The following RFX3 variants were observed in gnomAD, a reference collection of about 807,000 sequenced individuals.
The protein encoded by RFX3 is regulatory factor X3, also known as transcription factor RFX3.
Under a neutral mutation model 98.6 loss-of-function variants are expected in RFX3, and 14 were observed. The ratio of observed to expected loss-of-function variants is 0.14; its 90% confidence interval spans 0.09 to 0.22. The LOEUF is 0.22. Among genes scored for constraint, RFX3 ranks in the 10% least tolerant of loss-of-function variants. RFX3 has a pLI of 1.00. For synonymous variants in RFX3, 383 were observed against 328.4 expected, an observed-to-expected ratio of 1.17 and a Z score of -1.80; for missense variants, 639 against 926.9, an observed-to-expected ratio of 0.69 and a Z score of 4.03.
In RFX3 at chr9:3,275,754, T is replaced by C. The variant is rs533371160; in HGVS notation, c.974-142A>G. The C allele has an allele frequency of 2.0e-4, 107 of 529,592 alleles. 2 individuals are homozygous for C. The South Asian group carries it at 2.7e-3, about 14-fold the overall frequency. 32.8% of individuals were successfully genotyped at this position (529,592 alleles called of 1,614,324 possible). On this transcript the variant is annotated intron_variant, in intron 8 of 16. Coordinates refer to ENST00000617270, the MANE Select transcript of RFX3 (RefSeq NM_001282116.2). ...AGAGAGCAAGGACATTTTATATTAA[T>C]ATTTTACAAGTAAAACTAAGCAACA...
chr9:3,415,070 G>GTA (rs1296182698), intron 1 of RFX3, among the ~76,000 whole-genome samples: 4 of 81,368 alleles, frequency 4.9e-5, no homozygotes, highest in African/African-American at 1.2e-4. Context: ...TCATATATAA[G>GTA]TATATATATA....
intron 1 of RFX3, among the ~76,000 whole-genome samples, chr9:3,469,569 T>C (rs1044913816): frequency 6.6e-6 from 1 of 152,158 alleles, no homozygotes; most frequent in Non-Finnish European, 1.5e-5. Context: ...GGGTCAATGA[T>C]AAAATATTAT....
intron 4 of RFX3, among the ~76,000 whole-genome samples, chr9:3,307,020 C>T (rs2986694): frequency 6.6e-6 from 1 of 151,868 alleles, no homozygotes; most frequent in South Asian, 2.1e-4. Flanking sequence ...GATAATGAAT[C>T]GATCTCATGA....
intron 1 of RFX3, among the ~76,000 whole-genome samples, chr9:3,430,516 T>A (rs1374683481): frequency 6.6e-6 from 1 of 152,144 alleles, no homozygotes; most frequent in African/African-American, 2.4e-5. Flanking sequence ...CTTGGTAAAA[T>A]TTTTTTAGAG....
intron 2 of RFX3, among the ~76,000 whole-genome samples, chr9:3,369,359 T>C (rs1837554683): frequency 6.6e-6 from 1 of 152,164 alleles, no homozygotes; most frequent in Non-Finnish European, 1.5e-5. Flanking sequence ...AGTACACTAA[T>C]CCTATTCATA....
intron 2 of RFX3, among the ~76,000 whole-genome samples, chr9:3,390,018 G>A (rs1587467253): frequency 6.6e-6 from 1 of 152,270 alleles, no homozygotes; most frequent in South Asian, 2.1e-4. Flanking sequence ...TTTTAGAATT[G>A]TTTTATTCGG....
At chr9:3,446,752 G>A (rs960962961) in intron 1 of RFX3, among the ~76,000 whole-genome samples, 1 of 151,858 alleles carries the variant, frequency 6.6e-6, no homozygotes, top group Non-Finnish European at 1.5e-5. Context: ...TTGGAGTAAC[G>A]TATGGTACAT....
chr9:3,253,604 G>C (rs1045130122), intron 14 of RFX3, among the ~76,000 whole-genome samples: 2 of 152,204 alleles, frequency 1.3e-5, no homozygotes, highest in East Asian at 1.9e-4. Context: ...GCCAGGTTAG[G>C]CAAGGAGAGA....
At chr9:3,405,082 C>A (rs1841833059) in intron 1 of RFX3, among the ~76,000 whole-genome samples, 1 of 152,150 alleles carries the variant, frequency 6.6e-6, no homozygotes, top group Non-Finnish European at 1.5e-5. Flanking sequence ...TAATGACAAT[C>A]TCTTTTATCA....
chr9:3,337,597 G>C (rs1833338986), intron 3 of RFX3, among the ~76,000 whole-genome samples: 1 of 152,172 alleles, frequency 6.6e-6, no homozygotes, highest in African/African-American at 2.4e-5. Context: ...CACAAGATCA[G>C]TACCCAGGGG....
chr9:3,468,572 T>TGTAA (rs1187498472), intron 1 of RFX3, among the ~76,000 whole-genome samples: 2 of 152,142 alleles, frequency 1.3e-5, no homozygotes, highest in Non-Finnish European at 2.9e-5. Flanking sequence ...TCCTATTATA[T>TGTAA]GTAATGTAGG....
At chr9:3,459,786 T>C (rs1847524914) in intron 1 of RFX3, among the ~76,000 whole-genome samples, 1 of 152,028 alleles carries the variant, frequency 6.6e-6, no homozygotes, top group Non-Finnish European at 1.5e-5. Flanking sequence ...TTCTTATCCA[T>C]TTTACTCAGA....
rs1278057603 is a variant in RFX3, at chr9:3,301,601, G to A, written c.494C>T (p.Thr165Met). 1.2e-6 allele frequency: 2 copies of A among 1,600,270 alleles called. No homozygotes were observed. Among genetic ancestry groups the A allele is most frequent in the Non-Finnish European group, 1.7e-6 (2 of 1,170,374 alleles). Reference sequence around the variant, plus strand: ...GGACAGACCGTCAGACTTTTGCAGCGTCTCAATCGCCATTTCAATCTGATA... The same window carrying A: ...GGACAGACCGTCAGACTTTTGCAGCATCTCAATCGCCATTTCAATCTGATA... ...SPATIEMAIETLQKSDGLSTH... is the reference protein window; with the variant it reads ...SPATIEMAIEMLQKSDGLSTH... The change falls in exon 5 of 17, where the codon ACG becomes ATG. Residue 165 changes from threonine (T) to methionine (M), a missense_variant. Physicochemically the swap from Thr to Met is moderately conservative, Grantham distance 81. Coordinates refer to ENST00000617270, the MANE Select transcript of RFX3 (RefSeq NM_001282116.2).
At chr9:3,377,107 G>T (rs1309904033) in intron 2 of RFX3, among the ~76,000 whole-genome samples, 7 of 152,166 alleles carry the variant, frequency 4.6e-5, no homozygotes, top group Non-Finnish European at 1.0e-4. Flanking sequence ...CATACCCAAA[G>T]GATTATAAAT....
intron 1 of RFX3, among the ~76,000 whole-genome samples, chr9:3,470,316 T>C (rs111324988): frequency 0.01 from 1,523 of 150,708 alleles, 33 homozygotes; most frequent in African/African-American, 0.035. Flanking sequence ...TTTTTCTTTT[T>C]CCTTTTTTTT....
chr9:3,282,702 A>G (rs915717881), intron 7 of RFX3, among the ~76,000 whole-genome samples: 3 of 151,752 alleles, frequency 2.0e-5, no homozygotes, highest in Non-Finnish European at 4.4e-5. Context: ...TGCTACAAGT[A>G]TGCATGACAC....
chr9:3,525,460 C>T (rs933598548), intron 1 of RFX3, among the ~76,000 whole-genome samples: 13 of 152,118 alleles, frequency 8.5e-5, no homozygotes, highest in Admixed American at 2.0e-4. Context: ...TCGCAGCCCC[C>T]CAAGCTCCCG....
At chr9:3,470,486 TTC>T (rs1293927068) in intron 1 of RFX3, among the ~76,000 whole-genome samples, 2 of 140,778 alleles carry the variant, frequency 1.4e-5, no homozygotes, top group South Asian at 2.2e-4. Context: ...GGCTAATTTT[TTC>T]TTTTTTTCTT....
intron 15 of RFX3, among the ~76,000 whole-genome samples, chr9:3,230,028 T>C (rs1432931215): frequency 6.6e-6 from 1 of 152,206 alleles, no homozygotes; most frequent in Non-Finnish European, 1.5e-5. Flanking sequence ...TTATGCATCA[T>C]TAGGAAAGCC....
Sources: gnomAD v4.1 joint callset for allele counts (sites outside exome capture counted in the v4.1 genomes callset) on GRCh38, gnomAD v4.1.1 for gene constraint, MANE v1.5 for transcripts, NCBI Gene and HGNC (gene_info 2026-07-23, HGNC 2026-07-21) for gene names.